Variants in SCAF8 observed in about 807,000 individuals in gnomAD.
The protein encoded by SCAF8 is SR-related CTD associated factor 8.
Under a neutral mutation model 140.5 loss-of-function variants are expected in SCAF8, and 23 were observed. The observed-to-expected ratio is 0.16, with a 90% CI of 0.12 to 0.23. The LOEUF is 0.23. SCAF8 is among the 10% of genes least tolerant of loss of function. The pLI, the probability that SCAF8 is intolerant of heterozygous loss-of-function variation, is 1.00. For synonymous variants in SCAF8, 575 were observed against 528.9 expected (o/e 1.09, Z -1.20); for missense variants, 1,397 against 1,555.7 (o/e 0.90, Z 1.72).
chr6:154,770,540 C>A (rs553236860), intron 1 of SCAF8, among the ~76,000 whole-genome samples: 1 of 151,798 alleles, frequency 6.6e-6, no homozygotes, highest in Non-Finnish European at 1.5e-5. Context: ...CACTGTACCA[C>A]TCCAGCCTGG....
At chr6:154,796,317 T>C (rs1313260141) in intron 6 of SCAF8, among the ~76,000 whole-genome samples, 1 of 151,342 alleles carries the variant, frequency 6.6e-6, no homozygotes, top group African/African-American at 2.4e-5. Flanking sequence ...TTCTGATTAC[T>C]AGACTTCATT....
Position 154,832,965 on chromosome 6 carries a change from G to C in SCAF8, c.3386G>C (p.Arg1129Pro), listed in dbSNP as rs149911831. 6.2e-7 allele frequency: 1 copy of C among 1,614,092 alleles called. No homozygotes were observed. The highest frequency in any genetic ancestry group is 1.3e-5 in the African/African-American group (1 of 75,032). ...GGTAGATTTCGGTCTGGAAACTATC[G>C]ATTTGATCCTAGAAGTGGTCCTTGG... ...ERGRFRSGNYRFDPRSGPWNR... is the reference protein window; with the variant it reads ...ERGRFRSGNYPFDPRSGPWNR... Residue 1129 changes from arginine to proline, a missense_variant, in exon 20 of 20, where the codon CGA (arginine) becomes CCA (proline). Arg to Pro is a moderately radical substitution (Grantham distance 103). Around this residue, in one of 5 missense-constraint regions of SCAF8, gnomAD observed 930 missense variants for 874.6 expected, o/e 1.06. Coordinates refer to ENST00000367178, the MANE Select transcript of SCAF8 (RefSeq NM_014892.5).
chr6:154,739,818 A>G (rs1007147649), intron 1 of SCAF8, among the ~76,000 whole-genome samples: 1 of 152,192 alleles, frequency 6.6e-6, no homozygotes, highest in Non-Finnish European at 1.5e-5. Flanking sequence ...TTGTCTAACT[A>G]TAGGACTTTT....
intron 15 of SCAF8, among the ~76,000 whole-genome samples, chr6:154,821,899 T>G (rs1344913725): frequency 2.0e-5 from 3 of 152,232 alleles, no homozygotes; most frequent in Non-Finnish European, 4.4e-5. Flanking sequence ...CAGAAGGATT[T>G]TATTGTATTG....
intron 19 of SCAF8, among the ~76,000 whole-genome samples, chr6:154,831,703 TAAAAAAAAAAAAAAAAAAAAAAAAA>T (rs58013583): frequency 2.9e-4 from 14 of 48,096 alleles, no homozygotes; most frequent in Non-Finnish European, 4.2e-4. Flanking sequence ...CTCCTGTTCT[TAAAAAAAAAAAAAAAAAAAAAAAAA>T]AAAAAAAAAA....
chr6:154,752,777 A>G (rs1406507341), intron 1 of SCAF8, among the ~76,000 whole-genome samples: 1 of 152,186 alleles, frequency 6.6e-6, no homozygotes, highest in Non-Finnish European at 1.5e-5. Flanking sequence ...GCTAGCACGC[A>G]GTGGTGCAGT....
In SCAF8 at chr6:154,802,118, C is replaced by G. The variant is rs1301432238; in HGVS notation, c.754C>G (p.Pro252Ala). 1 of 1,604,838 alleles carries G rather than the reference C, an allele frequency of 6.2e-7. No individual in the cohort carries two copies. The highest frequency in any genetic ancestry group is 8.5e-7 in the Non-Finnish European group (1 of 1,176,506). Residue 252 changes from proline to alanine, a missense_variant, in exon 7 of 20, where the codon CCC (proline) becomes GCC (alanine). Physicochemically the swap from Pro to Ala is conservative, Grantham distance 27. This residue lies in a region of SCAF8 where 339 missense variants were observed against 407.5 expected (regional missense o/e 0.83). Coordinates refer to ENST00000367178, the MANE Select transcript of SCAF8 (RefSeq NM_014892.5). ...AAAAAANTLTPLEQGVSFNKK... is the reference protein window; with the variant it reads ...AAAAAANTLTALEQGVSFNKK... ...AGCTGCAGCTGCCAACACTCTTACT[C>G]CCTTAGAACAGGGAGTCTCCTTTAA...
chr6:154,832,899 T>C lies in SCAF8; in HGVS notation c.3320T>C (p.Leu1107Pro). The C allele has an allele frequency of 1.2e-6, 2 of 1,614,082 alleles. No homozygotes were observed. Among genetic ancestry groups the C allele is most frequent in the Non-Finnish European group, 1.7e-6 (2 of 1,179,972 alleles). ...GDFDEREHRV[L>P]PVYGGPKGLH... ...TTTGATGAGAGAGAGCATCGGGTTC[T>C]ACCGGTCTATGGTGGTCCAAAAGGC... Residue 1107 changes from leucine to proline, a missense_variant, in exon 20 of 20, where the codon CTA becomes CCA. Around this residue, in one of 5 missense-constraint regions of SCAF8, gnomAD observed 930 missense variants for 874.6 expected, o/e 1.06. Transcript: ENST00000367178.
chr6:154,771,949 CGTT>C (rs1162640480), intron 1 of SCAF8, among the ~76,000 whole-genome samples: 1 of 152,172 alleles, frequency 6.6e-6, no homozygotes, highest in Non-Finnish European at 1.5e-5. Context: ...TGTATTTAGA[CGTT>C]GTTCTTCAGG....
chr6:154,765,100 A>G lies in SCAF8; in HGVS notation c.31-8889A>G, dbSNP rs371700835. ...GTACATTATTTAAGGAAGTTTATTAAAAGCTTCTAATGGGCCAGCATCATC... is the reference window on the plus strand; with the variant it reads ...GTACATTATTTAAGGAAGTTTATTAGAAGCTTCTAATGGGCCAGCATCATC... On this transcript the variant is annotated intron_variant, in intron 1 of 19. Coordinates refer to ENST00000367178, the MANE Select transcript of SCAF8 (RefSeq NM_014892.5). Among the ~76,000 whole-genome samples, 16 of 152,212 alleles carry G rather than the reference A, an allele frequency of 1.1e-4. No individual in the cohort carries two copies. The South Asian group carries it at 1.2e-3, about 12-fold the overall frequency.
At chr6:154,747,374 A>G (rs1192379595) in intron 1 of SCAF8, among the ~76,000 whole-genome samples, 4 of 152,160 alleles carry the variant, frequency 2.6e-5, no homozygotes, top group Non-Finnish European at 4.4e-5. Flanking sequence ...ATACAAAAAA[A>G]TTAGCTGGGT....
chr6:154,753,953 TCGGCCTC>T (rs1215973621), intron 1 of SCAF8, among the ~76,000 whole-genome samples: 1 of 152,206 alleles, frequency 6.6e-6, no homozygotes, highest in East Asian at 1.9e-4. Context: ...TCCTCCCTCC[TCGGCCTC>T]CCAAAGTGTT....
At chr6:154,773,303 T>C (rs1410236535) in intron 1 of SCAF8, among the ~76,000 whole-genome samples, 1 of 152,252 alleles carries the variant, frequency 6.6e-6, no homozygotes, top group Non-Finnish European at 1.5e-5. Context: ...TGGAATTATA[T>C]AATATGCTGC....
At chr6:154,788,109 C>A in intron 4 of SCAF8, 87 bp downstream of exon 4, 1 of 1,097,710 alleles carries the variant, frequency 9.1e-7, no homozygotes, top group Non-Finnish European at 1.3e-6. Flanking sequence ...TATCTTAGTA[C>A]AGTCATGTGC....
At position 154,820,054 on chromosome 6, in the gene SCAF8, C is replaced by T. The variant is rs1381048888; in HGVS notation, c.1636-123C>T. ...TGTTAGTTTTTCAGCTTTGCTTTTC[C>T]AGCTGTTTTCTAAAACCAATTTTAA... On this transcript the variant is annotated intron_variant, in intron 14 of 19. Transcript: ENST00000367178. 15 of 678,656 alleles carry T rather than the reference C, an allele frequency of 2.2e-5. No homozygotes were observed. In the East Asian group the frequency reaches 3.7e-4, roughly 17 times the overall value. The allele number at this position is 678,656 out of a possible 1,614,324, so 42.0% of individuals were successfully genotyped here.
chr6:154,789,257 C>T (rs1203441637), intron 4 of SCAF8, among the ~76,000 whole-genome samples: 2 of 149,936 alleles, frequency 1.3e-5, no homozygotes, highest in Middle Eastern at 3.6e-3. Flanking sequence ...TACAGGCGCC[C>T]GCCACCACAC....
chr6:154,773,521 A>G (rs1464720344), intron 1 of SCAF8, among the ~76,000 whole-genome samples: 1 of 152,204 alleles, frequency 6.6e-6, no homozygotes, highest in East Asian at 1.9e-4. Flanking sequence ...GACCACGTGT[A>G]CAGGTTATTA....
chr6:154,789,189 A>G (rs1583035812), intron 4 of SCAF8, among the ~76,000 whole-genome samples: 1 of 151,932 alleles, frequency 6.6e-6, no homozygotes, highest in Non-Finnish European at 1.5e-5. Context: ...GCTCACTGCT[A>G]CCTCTGCCTC....
chr6:154,820,677 A>ACC (rs1778393195), intron 15 of SCAF8, among the ~76,000 whole-genome samples: 1 of 152,180 alleles, frequency 6.6e-6, no homozygotes, highest in East Asian at 1.9e-4. Flanking sequence ...GTTTTTTGAA[A>ACC]CACTTTGCAG....
Sources: allele counts gnomAD v4.1 joint callset (sites outside exome capture counted in the v4.1 genomes callset), GRCh38; gene constraint gnomAD v4.1.1; regional missense constraint gnomAD v4.1.1; transcripts MANE v1.5; gene names NCBI Gene and HGNC (gene_info 2026-07-23, HGNC 2026-07-21).